KLHL5: variants seen among roughly 807,000 people sequenced by gnomAD.
KLHL5 encodes the protein kelch-like protein 5.
Under a neutral mutation model 77.7 loss-of-function variants are expected in KLHL5, and 48 were observed. That is an observed-to-expected ratio of 0.62 (90% confidence interval 0.49 to 0.79). The LOEUF is 0.79. KLHL5 is among the 30% of genes least tolerant of loss of function. The probability of loss-of-function intolerance (pLI) is 0.00; values close to 1 mark genes in which losing one functional copy is unlikely to be tolerated. For missense variants in KLHL5, 723 were observed against 859.7 expected, an observed-to-expected ratio of 0.84 and a Z score of 1.99; for synonymous variants, 260 against 297.0, an observed-to-expected ratio of 0.88 and a Z score of 1.28.
intron 1 of KLHL5, among the ~76,000 whole-genome samples, chr4:39,048,210 A>G (rs116310780): frequency 1.5e-3 from 226 of 152,340 alleles, no homozygotes; most frequent in African/African-American, 5.1e-3. Flanking sequence ...TGGCAAGTAC[A>G]GAGAGTTGAG....
At chr4:39,098,058 G>T (rs1387604544) in intron 6 of KLHL5, among the ~76,000 whole-genome samples, 3 of 149,812 alleles carry the variant, frequency 2.0e-5, no homozygotes, top group African/African-American at 4.9e-5. Context: ...ATCACCTGAG[G>T]CCAGGAAACA....
At chr4:39,111,999 C>G (rs1243276769) in intron 8 of KLHL5, among the ~76,000 whole-genome samples, 1 of 151,998 alleles carries the variant, frequency 6.6e-6, no homozygotes, top group East Asian at 1.9e-4. Flanking sequence ...TAAGTATTAA[C>G]TAACATTTGT....
At chr4:39,139,053 A>G in the KLHL5 span, among the ~76,000 whole-genome samples, 1 of 152,276 alleles carries the variant, frequency 6.6e-6, no homozygotes, top group African/African-American at 2.4e-5. Context: ...AGGCCAAGGC[A>G]GGTGGATCAC....
chr4:39,061,688 A>C (rs1249917183), upstream of KLHL5, among the ~76,000 whole-genome samples: 1 of 152,228 alleles, frequency 6.6e-6, no homozygotes, highest in Admixed American at 6.5e-5. Flanking sequence ...GTCCTATCCC[A>C]GTCCCTGGTA....
the KLHL5 span, among the ~76,000 whole-genome samples, chr4:39,131,913 C>T: frequency 6.6e-6 from 1 of 151,272 alleles, no homozygotes. Context: ...AGAAAAAAAT[C>T]CAAGTGAAAG....
At chr4:39,050,925 A>G (rs776734951) in intron 1 of KLHL5, among the ~76,000 whole-genome samples, 1 of 152,180 alleles carries the variant, frequency 6.6e-6, no homozygotes, top group Non-Finnish European at 1.5e-5. Flanking sequence ...CCTTTCATCC[A>G]TCCCTTCTTC....
At chr4:39,078,824 A>G (rs564622812) in intron 2 of KLHL5, among the ~76,000 whole-genome samples, 1 of 152,254 alleles carries the variant, frequency 6.6e-6, no homozygotes, top group South Asian at 2.1e-4. Context: ...TGGGTGCACC[A>G]AAATCTCAGA....
At chr4:39,108,119 A>G (rs1393645291) in intron 8 of KLHL5, among the ~76,000 whole-genome samples, 2 of 151,990 alleles carry the variant, frequency 1.3e-5, no homozygotes, top group African/African-American at 4.8e-5. Context: ...TTCTCTAAAA[A>G]TTCCTTCCAT....
At chr4:39,127,937 C>CTA (rs984399411), downstream of KLHL5, among the ~76,000 whole-genome samples, 20 of 152,102 alleles carry the variant, frequency 1.3e-4, no homozygotes, top group African/African-American at 4.8e-4. Context: ...GCTGACCTAC[C>CTA]TATTGTCTGA....
chr4:39,135,906 A>G, the KLHL5 span, among the ~76,000 whole-genome samples: 7 of 152,010 alleles, frequency 4.6e-5, no homozygotes, highest in Admixed American at 1.3e-4. Context: ...CTCCATCTCA[A>G]AAAACAAACA....
intron 5 of KLHL5, 67 bp from the exon 6 acceptor site, chr4:39,096,625 C>G: frequency 9.0e-7 from 1 of 1,108,814 alleles, no homozygotes; most frequent in Non-Finnish European, 1.3e-6. Flanking sequence ...AGAACTATGT[C>G]ATTTTTTTCT....
chr4:39,046,409 G>T (rs538024165), intron 1 of KLHL5, among the ~76,000 whole-genome samples: 5 of 152,194 alleles, frequency 3.3e-5, no homozygotes, highest in African/African-American at 1.2e-4. Flanking sequence ...TGGGCCTTGG[G>T]CTTCCTGGGA....
upstream of KLHL5, among the ~76,000 whole-genome samples, chr4:39,059,004 G>A (rs962743776): frequency 1.3e-5 from 2 of 152,098 alleles, no homozygotes; most frequent in Non-Finnish European, 2.9e-5. Flanking sequence ...TTTACAGAGA[G>A]TAGTCAGTGA....
chr4:39,126,030 A>C lies in KLHL5; in HGVS notation c.*4964A>C, dbSNP rs1723521571. ...GGCTCTTAAATCTTAATTTCAACCT[A>C]AGAAGGGAGTGAGAAACAACGAGAA... On this transcript the variant is annotated 3_prime_UTR_variant, in exon 11 of 11. Transcript: ENST00000504108. Among the ~76,000 whole-genome samples the C allele has an allele frequency of 6.6e-6, 1 of 152,176 alleles. No individual in the cohort carries two copies. Among genetic ancestry groups the C allele is most frequent in the Non-Finnish European group, 1.5e-5 (1 of 68,028 alleles).
At chr4:39,127,136 G>A (rs2109654871), downstream of KLHL5, among the ~76,000 whole-genome samples, 1 of 152,112 alleles carries the variant, frequency 6.6e-6, no homozygotes, top group South Asian at 2.1e-4. Flanking sequence ...AGGAGTTCGA[G>A]ACCAGCCTGG....
chr4:39,062,693 T>A lies in KLHL5; in HGVS notation c.41T>A (p.Leu14Ter). Residue 14 changes from leucine (L) to a stop codon, truncating the protein, a stop_gained, in exon 1 of 11, where the codon TTG becomes TAG. Transcript: ENST00000504108. LOFTEE classifies it high-confidence loss of function. ...AAAGAGTTTGATGTGAAACAGATTT[T>A]GAAAATCAGATGGAGGTGGTTTGGT... ...SRKEFDVKQI[L>*]KIRWRWFGHQ... 1 of 1,614,144 alleles carries A rather than the reference T, an allele frequency of 6.2e-7. No homozygotes were observed. The highest frequency in any genetic ancestry group is 8.5e-7 in the Non-Finnish European group (1 of 1,180,010).
chr4:39,127,768 G>A (rs1314370522), downstream of KLHL5, among the ~76,000 whole-genome samples: 4 of 152,060 alleles, frequency 2.6e-5, no homozygotes, highest in South Asian at 2.1e-4. Context: ...CCGACCTGGC[G>A]CAAATTTTGT....
chr4:39,111,770 T>C (rs953639400), intron 8 of KLHL5, among the ~76,000 whole-genome samples: 34 of 152,138 alleles, frequency 2.2e-4, no homozygotes, highest in African/African-American at 8.2e-4. Context: ...ATTAATATAG[T>C]TTAAGTTTAG....
upstream of KLHL5, among the ~76,000 whole-genome samples, chr4:39,061,800 G>C (rs1646332643): frequency 6.6e-6 from 1 of 152,148 alleles, no homozygotes; most frequent in African/African-American, 2.4e-5. Context: ...AGAAATCCTG[G>C]CCTCAGTTTA....
Sources: allele counts gnomAD v4.1 joint callset (sites outside exome capture counted in the v4.1 genomes callset), GRCh38; gene constraint gnomAD v4.1.1; transcripts MANE v1.5; gene names NCBI Gene and HGNC (gene_info 2026-07-23, HGNC 2026-07-21).